The following PDZD2 variants were observed in gnomAD, a reference collection of about 807,000 sequenced individuals.
The protein encoded by PDZD2 is PDZ domain-containing protein 2.
In PDZD2, 90 loss-of-function variants were observed where a neutral mutation model predicts 220.7. The ratio of observed to expected loss-of-function variants is 0.41; its 90% CI spans 0.34 to 0.49. PDZD2 has a LOEUF of 0.49. PDZD2 is among the 20% of genes least tolerant of loss of function. The pLI, the probability that PDZD2 is intolerant of heterozygous loss-of-function variation, is 0.28. For missense variants in PDZD2, 3,174 were observed against 3,608.5 expected, an observed-to-expected ratio of 0.88 and a Z score of 3.08; for synonymous variants, 1,375 against 1,450.5, an observed-to-expected ratio of 0.95 and a Z score of 1.18.
intron 1 of PDZD2, among the ~76,000 whole-genome samples, chr5:31,798,535 T>C (rs1410555664): frequency 6.6e-6 from 1 of 152,188 alleles, no homozygotes; most frequent in Non-Finnish European, 1.5e-5. Context: ...TTTAAATATA[T>C]GCAGATCCTT....
intron 2 of PDZD2, among the ~76,000 whole-genome samples, chr5:31,897,829 C>T (rs1358455186): frequency 6.6e-6 from 1 of 151,996 alleles, no homozygotes; most frequent in Non-Finnish European, 1.5e-5. Context: ...CTCTACCTCC[C>T]AGGTTCAAGC....
chr5:31,895,967 C>A (rs965385159), intron 2 of PDZD2, among the ~76,000 whole-genome samples: 1 of 152,122 alleles, frequency 6.6e-6, no homozygotes, highest in Admixed American at 6.6e-5. Context: ...CACTGTAACC[C>A]CCCCAGCCAC....
intron 2 of PDZD2, among the ~76,000 whole-genome samples, chr5:31,845,667 A>G (rs1757544133): frequency 1.3e-5 from 2 of 152,252 alleles, no homozygotes; most frequent in South Asian, 4.1e-4. Context: ...GGTTCCAGGT[A>G]GACTCTCAGA....
At chr5:31,959,233 G>C (rs1747998401) in intron 2 of PDZD2, among the ~76,000 whole-genome samples, 1 of 146,672 alleles carries the variant, frequency 6.8e-6, no homozygotes, top group South Asian at 2.1e-4. Flanking sequence ...GCCTGGCAAA[G>C]CACTTTAATA....
intron 2 of PDZD2, among the ~76,000 whole-genome samples, chr5:31,857,006 C>G (rs1758511830): frequency 6.6e-6 from 1 of 151,672 alleles, no homozygotes; most frequent in Non-Finnish European, 1.5e-5. Flanking sequence ...TACCTCTTAC[C>G]AACTTCCAGT....
chr5:31,855,007 G>T (rs766722112), intron 2 of PDZD2: 84 of 985,380 alleles, frequency 8.5e-5, no homozygotes, highest in Non-Finnish European at 1.0e-4. Flanking sequence ...GCTGGCAGCC[G>T]CCCCAGGCCC....
intron 1 of PDZD2, among the ~76,000 whole-genome samples, chr5:31,775,125 G>A (rs904780988): frequency 1.3e-5 from 2 of 152,166 alleles, no homozygotes. Flanking sequence ...TCACGCTATA[G>A]TACAAACGTC....
At position 32,098,590 on chromosome 5, in the gene PDZD2, AG is replaced by A; in HGVS notation, c.8177del (p.Gly2726ValfsTer29). ...CAGGAGCCTCCCACAGCCAATGGGA[AG>A]GGTTTGCTGTCCAGAAAGACCATCC... ...ARQEPPTANG[K>X]GLLSRKTIPL... On this transcript the variant is annotated frameshift_variant, in exon 23 of 25. Transcript: ENST00000438447. LOFTEE classifies it high-confidence loss of function. The surrounding 1 kb of genome is among the most constrained non-coding windows in gnomAD (Gnocchi z 4.1). The A allele has an allele frequency of 6.2e-7, 1 of 1,614,182 alleles. No individual in the cohort carries two copies. Among genetic ancestry groups the A allele is most frequent in the African/African-American group, 1.3e-5 (1 of 75,072 alleles).
intron 24 of PDZD2, among the ~76,000 whole-genome samples, chr5:32,107,689 C>T (rs1028154272): frequency 6.6e-6 from 1 of 152,174 alleles, no homozygotes; most frequent in Non-Finnish European, 1.5e-5. Flanking sequence ...GGATGTTAAC[C>T]ATTTGTTGAT....
rs750908768 is a variant in PDZD2, at chr5:32,088,195, C to T, written c.4747C>T (p.Arg1583Cys). 138 of 1,613,976 alleles carry T rather than the reference C, an allele frequency of 8.6e-5. No homozygotes were observed. Among genetic ancestry groups the T allele is most frequent in the South Asian group, 1.5e-4 (14 of 91,080 alleles). ...ARDGWSPPRS[R>C]VSLHKEDPSE... ...GGACGGCTGGTCCCCTCCTCGTTCCCGTGTGTCTTTGCACAAGGAAGATCC... is the reference window on the plus strand; with the variant it reads ...GGACGGCTGGTCCCCTCCTCGTTCCTGTGTGTCTTTGCACAAGGAAGATCC... The change falls in exon 20 of 25, where the codon CGT (arginine) becomes TGT (cysteine). Residue 1583 changes from arginine (R) to cysteine (C), a missense_variant. Around this residue, in one of 4 missense-constraint regions of PDZD2, gnomAD observed 1,861 missense variants for 2,001.0 expected, o/e 0.93. Coordinates refer to ENST00000438447, the MANE Select transcript of PDZD2 (RefSeq NM_178140.4). The surrounding 1 kb of genome is among the most constrained non-coding windows in gnomAD (Gnocchi z 4.6).
chr5:31,898,458 T>C (rs534284385), intron 2 of PDZD2, among the ~76,000 whole-genome samples: 1 of 152,332 alleles, frequency 6.6e-6, no homozygotes, highest in East Asian at 1.9e-4. Flanking sequence ...AAGTGAGTGC[T>C]TCAGGGATTT....
At chr5:31,695,315 C>T (rs1243006526) in intron 1 of PDZD2, among the ~76,000 whole-genome samples, 1 of 152,110 alleles carries the variant, frequency 6.6e-6, no homozygotes, top group African/African-American at 2.4e-5. Context: ...CTGCCAAAAC[C>T]TCAGTCATCA....
In PDZD2 at chr5:31,797,085, A is replaced by G. The variant is rs903899732; in HGVS notation, c.-360-1804A>G. On this transcript the variant is annotated intron_variant, in intron 1 of 24. Transcript: ENST00000438447. ...TGGCACCACAGGCGCCCGCCACCAC[A>G]CCCAGCTAATTTTTTTTTTTTTTTT... 5.7e-4 allele frequency among the ~76,000 whole-genome samples: 66 copies of G among 116,510 alleles called. 3 individuals carry two copies. The South Asian group carries it at 0.018, about 31-fold the overall frequency. The allele number at this position is 116,510 out of a possible 152,430, so 76.4% of individuals were successfully genotyped here. A position where few individuals can be genotyped will look rare whatever the true frequency, so the allele number is the denominator to read the frequency against.
Position 32,074,035 on chromosome 5 carries a change from G to A in PDZD2, c.2929G>A (p.Asp977Asn). ...CGATGCCAGTGATGAGGAAGAGTTTGACAGAGAAGGGGACTGCATTTCACT... is the reference window on the plus strand; with the variant it reads ...CGATGCCAGTGATGAGGAAGAGTTTAACAGAGAAGGGGACTGCATTTCACT... ...ANDASDEEEF[D>N]REGDCISLPG... The change falls in exon 18 of 25, where the codon GAC becomes AAC. Residue 977 changes from aspartate (D) to asparagine (N), a missense_variant. Physicochemically the swap from Asp to Asn is conservative, Grantham distance 23. This residue lies in a region of PDZD2 where 1,861 missense variants were observed against 2,001.0 expected (regional missense o/e 0.93). Transcript: ENST00000438447. The A allele has an allele frequency of 6.2e-7, 1 of 1,614,186 alleles. No homozygotes were observed. The highest frequency in any genetic ancestry group is 8.5e-7 in the Non-Finnish European group (1 of 1,180,030).
Position 31,983,438 on chromosome 5 carries a change from C to T in PDZD2, c.760C>T (p.Pro254Ser). ...SDPSTELENG[P>S]DPELGNGHVF... ...CCCCAGCACTGAGCTGGAGAACGGC[C>T]CTGACCCTGAACTTGGAAACGGCCA... is the stretch of plus-strand genomic sequence containing the variant. The change falls in exon 3 of 25, where the codon CCT (proline) becomes TCT (serine). Residue 254 changes from proline to serine, a missense_variant. Around this residue, in one of 4 missense-constraint regions of PDZD2, gnomAD observed 632 missense variants for 708.1 expected, o/e 0.89. Coordinates refer to ENST00000438447, the MANE Select transcript of PDZD2 (RefSeq NM_178140.4). 1 of 1,614,184 alleles carries T rather than the reference C, an allele frequency of 6.2e-7. No individual in the cohort carries two copies. The highest frequency in any genetic ancestry group is 8.5e-7 in the Non-Finnish European group (1 of 1,180,026).
Position 32,090,075 on chromosome 5 carries a change from G to A in PDZD2, c.6627G>A (p.Glu2209=), listed in dbSNP as rs1174602153. 1 of 1,613,742 alleles carries A rather than the reference G, an allele frequency of 6.2e-7. No individual in the cohort carries two copies. The highest frequency in any genetic ancestry group is 8.5e-7 in the Non-Finnish European group (1 of 1,179,962). Residue 2209 remains glutamate (E), a synonymous_variant, in exon 20 of 25, where the codon GAG becomes GAA. Transcript: ENST00000438447. The surrounding 1 kb of genome is among the most constrained non-coding windows in gnomAD (Gnocchi z 4.3). ...GCATTCCAGGGGGCCCCTCGGGGGA[G>A]GACCATCTCTACTTCACCCCAAGGC... ...RNSIPGGPSG[E]DHLYFTPRPA... is the part of the protein sequence containing the mutation.
chr5:31,989,270 T>C (rs377758532), intron 3 of PDZD2, among the ~76,000 whole-genome samples: 100 of 152,286 alleles, frequency 6.6e-4, no homozygotes, highest in African/African-American at 2.4e-3. Flanking sequence ...CTCCCACTTA[T>C]GAGTGAGAAC....
chr5:31,762,054 G>A (rs1751690188), intron 1 of PDZD2, among the ~76,000 whole-genome samples: 1 of 152,084 alleles, frequency 6.6e-6, no homozygotes, highest in Admixed American at 6.6e-5. Flanking sequence ...ACCAGATCTG[G>A]TGAGAACTCA....
At chr5:32,061,490 A>G (rs1739688628) in intron 14 of PDZD2, among the ~76,000 whole-genome samples, 1 of 152,332 alleles carries the variant, frequency 6.6e-6, no homozygotes, top group Non-Finnish European at 1.5e-5. Flanking sequence ...GTCAGTTTCA[A>G]GATAAGAAGG....
Sources: gnomAD v4.1 joint callset for allele counts (sites outside exome capture counted in the v4.1 genomes callset) on GRCh38, gnomAD v4.1.1 for gene constraint, gnomAD v4.1.1 regional missense constraint, Gnocchi (gnomAD v3.1) non-coding constraint, MANE v1.5 for transcripts, NCBI Gene and HGNC (gene_info 2026-07-23, HGNC 2026-07-21) for gene names.